The following DAPK2 variants were observed in gnomAD, a reference collection of about 807,000 sequenced individuals.
DAPK2 encodes death associated protein kinase 2, also known as death-associated protein kinase 2.
Under a neutral mutation model 44.1 loss-of-function variants are expected in DAPK2, and 35 were observed. The ratio of observed to expected loss-of-function variants is 0.79; its 90% CI spans 0.61 to 1.05. DAPK2 has a LOEUF of 1.05. DAPK2 is among the 50% of genes least tolerant of loss of function. The pLI, the probability that DAPK2 is intolerant of heterozygous loss-of-function variation, is 0.00. For synonymous variants in DAPK2, 174 were observed against 182.6 expected, an observed-to-expected ratio of 0.95 and a Z score of 0.38; for missense variants, 453 against 483.2, an observed-to-expected ratio of 0.94 and a Z score of 0.59.
At position 64,036,336 on chromosome 15, in the gene DAPK2, T is replaced by TACATATATATAC. The variant is rs2080204401; in HGVS notation, c.92+3833_92+3834insGTATATATATGT. ...ATATATATGTATATATATATATATA[T>TACATATATATAC]ACATATATATATATATATTTTAGTT... is the stretch of plus-strand genomic sequence containing the variant. On this transcript the variant is annotated intron_variant, in intron 1 of 10. Transcript: ENST00000261891. 4.3e-5 allele frequency among the ~76,000 whole-genome samples: 5 copies of TACATATATATAC among 115,084 alleles called. No homozygotes were observed. In the Admixed American group the frequency reaches 4.8e-4, roughly 11 times the overall value. The allele number at this position is 115,084 out of a possible 152,430, so 75.5% of individuals were successfully genotyped here. A position where few individuals can be genotyped will look rare whatever the true frequency, so the allele number is the denominator to read the frequency against.
chr15:63,995,622 G>A (rs1003181856), intron 1 of DAPK2, among the ~76,000 whole-genome samples: 2 of 152,154 alleles, frequency 1.3e-5, no homozygotes, highest in Non-Finnish European at 2.9e-5. Flanking sequence ...CTCCATGCAG[G>A]GTATACCTTC....
exon 2 of DAPK2, chr15:63,983,554 T>A (rs749931095): frequency 6.2e-7 from 1 of 1,614,110 alleles, no homozygotes; most frequent in Non-Finnish European, 8.5e-7. Context: ...GAGCACCACG[T>A]CGGTGCGGTT....
At position 63,912,789 on chromosome 15, in the gene DAPK2, A is replaced by C. The variant is rs557555017; in HGVS notation, c.859-592T>G. ...TCTGTAATATGGGGATAATAATATC[A>C]TGTCACAGGGTTGTTAAGGATTATA... On this transcript the variant is annotated intron_variant, in intron 8 of 10. Transcript: ENST00000261891. The surrounding 1 kb of genome is among the most constrained non-coding windows in gnomAD (Gnocchi z 4.4). Among the ~76,000 whole-genome samples, 38 of 152,264 alleles carry C rather than the reference A, an allele frequency of 2.5e-4. No individual in the cohort carries two copies. The South Asian group carries it at 7.1e-3, about 28-fold the overall frequency.
At chr15:64,024,471 A>G (rs1426368396) in intron 1 of DAPK2, among the ~76,000 whole-genome samples, 1 of 152,232 alleles carries the variant, frequency 6.6e-6, no homozygotes, top group Non-Finnish European at 1.5e-5. Flanking sequence ...AAAGCTGGAA[A>G]AGTGGAGACT....
chr15:63,931,559 C>A (rs1480267052), intron 4 of DAPK2, among the ~76,000 whole-genome samples: 3 of 152,130 alleles, frequency 2.0e-5, no homozygotes, highest in Non-Finnish European at 4.4e-5. Flanking sequence ...GAGGGTACCT[C>A]CCACCTGAGG....
intron 8 of DAPK2, chr15:63,919,045 C>G (rs1161575107): frequency 1.3e-5 from 2 of 152,138 alleles, no homozygotes; most frequent in African/African-American, 2.4e-5. Flanking sequence ...CAGAGATAAG[C>G]AGGTCCTGTG....
At chr15:63,965,457 G>A (rs2078027908) in intron 3 of DAPK2, among the ~76,000 whole-genome samples, 1 of 152,066 alleles carries the variant, frequency 6.6e-6, no homozygotes, top group Non-Finnish European at 1.5e-5. Context: ...CAGCTGCCTG[G>A]CTACTGGCTA....
chr15:63,924,071 G>A (rs1474161736), intron 8 of DAPK2, among the ~76,000 whole-genome samples: 1 of 152,204 alleles, frequency 6.6e-6, no homozygotes, highest in East Asian at 1.9e-4. Flanking sequence ...TGAATGGGAA[G>A]TCTGGTGACG....
chr15:63,973,339 T>G (rs1355484246), intron 2 of DAPK2, among the ~76,000 whole-genome samples: 2 of 152,254 alleles, frequency 1.3e-5, no homozygotes, highest in Non-Finnish European at 2.9e-5. Flanking sequence ...CAAAGCCTTA[T>G]GGGCAGGGTT....
Position 63,923,153 on chromosome 15 carries a change from A to G in DAPK2, c.858+1663T>C. 6.5e-7 allele frequency: 1 copy of G among 1,535,804 alleles called. No homozygotes were observed. Among genetic ancestry groups the G allele is most frequent in the Non-Finnish European group, 8.7e-7 (1 of 1,146,732 alleles). Reference sequence around the variant, plus strand: ...GTCCTGGATGGTATCGTGGGCCTCCACCAGGGCACGGCATCCCAGGTCGAC... The same window carrying G: ...GTCCTGGATGGTATCGTGGGCCTCCGCCAGGGCACGGCATCCCAGGTCGAC... On this transcript the variant is annotated intron_variant, in intron 8 of 10. Transcript: ENST00000261891. The surrounding 1 kb of genome is among the most constrained non-coding windows in gnomAD (Gnocchi z 4.2).
At position 63,991,274 on chromosome 15, in the gene DAPK2, A is replaced by G. The variant is rs755556943; in HGVS notation, c.93-7520T>C. On this transcript the variant is annotated intron_variant, in intron 1 of 10. Coordinates refer to ENST00000261891, the Ensembl canonical transcript of DAPK2. ...CTGGGAACTAGATGGGCATGACAGG[A>G]GTGAGAAACACGCAGGGAGCAGCAG... is the stretch of plus-strand genomic sequence containing the variant. The G allele has an allele frequency of 2.0e-5, 9 of 456,208 alleles. No homozygotes were observed. The East Asian group carries it at 6.2e-4, about 32-fold the overall frequency. 28.3% of individuals were successfully genotyped at this position (456,208 alleles called of 1,614,324 possible). A position where few individuals can be genotyped will look rare whatever the true frequency, so the allele number is the denominator to read the frequency against.
At chr15:64,017,656 C>T (rs1245269143) in intron 1 of DAPK2, among the ~76,000 whole-genome samples, 1 of 152,208 alleles carries the variant, frequency 6.6e-6, no homozygotes, top group Non-Finnish European at 1.5e-5. Flanking sequence ...CTCCAAGCCT[C>T]GGTTTTCTCT....
intron 1 of DAPK2, among the ~76,000 whole-genome samples, chr15:64,007,541 C>T (rs1481860063): frequency 1.3e-5 from 2 of 152,194 alleles, no homozygotes; most frequent in African/African-American, 4.8e-5. Context: ...GGCACAGGTC[C>T]CCTCCTGGAG....
rs2077238025 is a variant in DAPK2, at chr15:63,939,090, C to T, written c.583+142G>A. 1.4e-6 allele frequency: 2 copies of T among 1,429,270 alleles called. No homozygotes were observed. The highest frequency in any genetic ancestry group is 1.4e-5 in the African/African-American group (1 of 69,974). 88.5% of individuals were successfully genotyped at this position (1,429,270 alleles called of 1,614,324 possible). ...CCCAGGCCCAATAAGACATTTCCTT[C>T]CCCACCCATTAGGTTTCTAGAGATG... On this transcript the variant is annotated intron_variant, in intron 4 of 10. Coordinates refer to ENST00000261891, the Ensembl canonical transcript of DAPK2. This position sits in a 1 kb window ranked among gnomAD's most constrained non-coding sequence, Gnocchi z 4.3.
intron 1 of DAPK2, among the ~76,000 whole-genome samples, chr15:63,987,239 G>A (rs1336750085): frequency 6.6e-6 from 1 of 152,152 alleles, no homozygotes; most frequent in Non-Finnish European, 1.5e-5. Flanking sequence ...CAACCCAAGG[G>A]CAGGTGACAG....
In DAPK2 at chr15:63,916,392, G is replaced by C. The variant is rs1332107057; in HGVS notation, c.859-4195C>G. ...CAGATTGCACCTCCAACCCCCATCTGTGCCATCTCTCCAGCCCCTTACTCC... is the reference window on the plus strand; with the variant it reads ...CAGATTGCACCTCCAACCCCCATCTCTGCCATCTCTCCAGCCCCTTACTCC... On this transcript the variant is annotated intron_variant, in intron 8 of 10. Transcript: ENST00000261891. This position sits in a 1 kb window ranked among gnomAD's most constrained non-coding sequence, Gnocchi z 4.7. 1.3e-5 allele frequency: 2 copies of C among 152,088 alleles called. No individual in the cohort carries two copies. Among genetic ancestry groups the C allele is most frequent in the African/African-American group, 4.8e-5 (2 of 41,276 alleles). 9.4% of individuals were successfully genotyped at this position (152,088 alleles called of 1,614,324 possible). A position where few individuals can be genotyped will look rare whatever the true frequency, so the allele number is the denominator to read the frequency against.
chr15:63,962,720 T>C (rs1185324584), intron 3 of DAPK2, among the ~76,000 whole-genome samples: 3 of 152,194 alleles, frequency 2.0e-5, no homozygotes, highest in Non-Finnish European at 4.4e-5. Context: ...AAGCTTTGTT[T>C]CAGAGGGGCA....
chr15:64,021,885 T>G (rs1294677860), intron 1 of DAPK2, among the ~76,000 whole-genome samples: 1 of 152,130 alleles, frequency 6.6e-6, no homozygotes, highest in Non-Finnish European at 1.5e-5. Flanking sequence ...ACTAAGCAGC[T>G]AGAGAGGAGA....
At chr15:63,983,878 C>T (rs2078600114) in intron 1 of DAPK2, 124 bp from the exon 3 acceptor site, 3 of 930,202 alleles carry the variant, frequency 3.2e-6, no homozygotes, top group Admixed American at 2.1e-5. Flanking sequence ...AATCATGCCA[C>T]CAGTCTGCAT....
Sources: gnomAD v4.1 joint callset for allele counts (sites outside exome capture counted in the v4.1 genomes callset) on GRCh38, gnomAD v4.1.1 for gene constraint, Gnocchi (gnomAD v3.1) non-coding constraint, MANE v1.5 for transcripts, NCBI Gene and HGNC (gene_info 2026-07-23, HGNC 2026-07-21) for gene names.